The following SLCO1B3 variants were observed in gnomAD, a reference collection of about 807,000 sequenced individuals.
SLCO1B3 encodes liver-specific organic anion transporter 2.
In SLCO1B3, 72 loss-of-function variants were observed where a neutral mutation model predicts 71.8. The ratio of observed to expected loss-of-function variants is 1.00; its 90% CI spans 0.83 to 1.22. The LOEUF (loss-of-function observed/expected upper bound fraction) is 1.22. Among genes scored for constraint, SLCO1B3 ranks in the 50% most tolerant of loss-of-function variants. The probability of loss-of-function intolerance (pLI) is 0.00; values close to 1 mark genes in which losing one functional copy is unlikely to be tolerated. For missense variants in SLCO1B3, 911 were observed against 819.7 expected (o/e 1.11, Z -1.36); for synonymous variants, 298 against 278.4 (o/e 1.07, Z -0.70).
intron 8 of SLCO1B3, among the ~76,000 whole-genome samples, chr12:20,872,475 C>A (rs905948045): frequency 2.7e-4 from 41 of 151,968 alleles, no homozygotes; most frequent in African/African-American, 9.4e-4. Context: ...CTTTATTTTT[C>A]CACCACTTCT....
At chr12:20,841,884 GTTTTT>G (rs57925057) in intron 3 of SLCO1B3, among the ~76,000 whole-genome samples, 2 of 132,262 alleles carry the variant, frequency 1.5e-5, no homozygotes, top group Admixed American at 7.6e-5. Flanking sequence ...GTTGGATGTA[GTTTTT>G]TTTTTTTTTT....
At chr12:20,890,187 A>T (rs907239156) in intron 13 of SLCO1B3, among the ~76,000 whole-genome samples, 10 of 151,712 alleles carry the variant, frequency 6.6e-5, no homozygotes, top group African/African-American at 1.2e-4. Flanking sequence ...CCAAAGTGCT[A>T]GGATTACAGG....
chr12:20,906,589 G>A (rs1220255985), intron 15 of SLCO1B3, among the ~76,000 whole-genome samples: 1 of 152,076 alleles, frequency 6.6e-6, no homozygotes, highest in South Asian at 2.1e-4. Context: ...TACCTGTTGG[G>A]CAGGGAGATC....
chr12:20,825,459 G>A (rs1391331731), intron 3 of SLCO1B3, among the ~76,000 whole-genome samples: 2 of 152,036 alleles, frequency 1.3e-5, no homozygotes, highest in African/African-American at 4.8e-5. Context: ...AGATTTAGCA[G>A]GACTTGGTGT....
intron 3 of SLCO1B3, among the ~76,000 whole-genome samples, chr12:20,847,162 C>T (rs145271059): frequency 6.6e-6 from 1 of 151,986 alleles, no homozygotes; most frequent in African/African-American, 2.4e-5. Context: ...AGACCATAAG[C>T]TTTTACCTAA....
intron 6 of SLCO1B3, 31 bp from the exon 7 acceptor site, chr12:20,862,381 T>C (rs1225510708): frequency 6.4e-7 from 1 of 1,567,830 alleles, no homozygotes; most frequent in South Asian, 1.2e-5. Context: ...AAAATTAATG[T>C]TTAAAGTAAA....
chr12:20,821,444 T>G, intron 3 of SLCO1B3, among the ~76,000 whole-genome samples: 1 of 151,516 alleles, frequency 6.6e-6, no homozygotes, highest in African/African-American at 2.4e-5. Context: ...GAAGGAGGAA[T>G]GGAAGGTGGA....
Position 20,888,124 on chromosome 12 carries a change from T to C in SLCO1B3, c.1682+4522T>C, listed in dbSNP as rs1220196816. ...ACTAGTACCCTTTTATTTTGGCTTA[T>C]AGCCATGTAGTATAATTTGAAGTCA... On this transcript the variant is annotated intron_variant, in intron 13 of 15. Transcript: ENST00000381545. Among the ~76,000 whole-genome samples, 4 of 152,086 alleles carry C rather than the reference T, an allele frequency of 2.6e-5. No homozygotes were observed. The East Asian group carries it at 7.7e-4, about 29-fold the overall frequency.
At chr12:20,871,286 ATCTGATAGTT>A (rs778886230) in intron 8 of SLCO1B3, among the ~76,000 whole-genome samples, 4 of 152,162 alleles carry the variant, frequency 2.6e-5, no homozygotes, top group Non-Finnish European at 4.4e-5. Flanking sequence ...TTGTTAAATT[ATCTGATAGTT>A]TCTGAATTCC....
chr12:20,895,144 G>C (rs574221107), intron 13 of SLCO1B3, among the ~76,000 whole-genome samples: 2 of 152,286 alleles, frequency 1.3e-5, no homozygotes, highest in South Asian at 4.1e-4. Context: ...TAAAATTCAA[G>C]ATGAGATTTG....
chr12:20,898,951 G>C (rs1866074520), intron 14 of SLCO1B3, among the ~76,000 whole-genome samples: 1 of 152,166 alleles, frequency 6.6e-6, no homozygotes. Context: ...GACATTCACT[G>C]TGCCATTTCC....
At chr12:20,862,990 A>G (rs1555156583) in intron 8 of SLCO1B3, 136 bp downstream of exon 8, 1 of 464,058 alleles carries the variant, frequency 2.2e-6, no homozygotes, top group South Asian at 5.3e-5. Flanking sequence ...AAATAAATCC[A>G]TTAATAATCA....
intron 3 of SLCO1B3, among the ~76,000 whole-genome samples, chr12:20,824,945 TAACTC>T (rs934105188): frequency 6.6e-6 from 1 of 152,152 alleles, no homozygotes; most frequent in Non-Finnish European, 1.5e-5. Context: ...GTCAAAGTGA[TAACTC>T]AAAGTTTTTT....
At chr12:20,847,612 G>A (rs1304607) in intron 3 of SLCO1B3, among the ~76,000 whole-genome samples, 109,804 of 151,662 alleles carry the variant, frequency 0.72, 42,326 homozygotes, top group South Asian at 0.9. Context: ...TAAAACCAAA[G>A]TTCAGTGGCA....
At chr12:20,825,485 A>G (rs1864401586) in intron 3 of SLCO1B3, among the ~76,000 whole-genome samples, 1 of 152,056 alleles carries the variant, frequency 6.6e-6, no homozygotes, top group South Asian at 2.1e-4. Flanking sequence ...TTAGACCCAG[A>G]AGTAAAAGCC....
chr12:20,873,172 A>C (rs1275963042), intron 8 of SLCO1B3, among the ~76,000 whole-genome samples: 1 of 152,180 alleles, frequency 6.6e-6, no homozygotes, highest in Non-Finnish European at 1.5e-5. Flanking sequence ...CCCATGTGCT[A>C]GTTTAAATCA....
intron 10 of SLCO1B3, among the ~76,000 whole-genome samples, chr12:20,878,772 G>A (rs939466547): frequency 6.6e-6 from 1 of 151,958 alleles, no homozygotes; most frequent in Non-Finnish European, 1.5e-5. Context: ...TAACACTTAC[G>A]GGACTGTGAA....
chr12:20,900,486 C>G (rs963611592), intron 14 of SLCO1B3, among the ~76,000 whole-genome samples: 2 of 152,106 alleles, frequency 1.3e-5, no homozygotes, highest in Non-Finnish European at 2.9e-5. Context: ...AGGAGTTAAT[C>G]TCAGAATTTA....
At chr12:20,818,306 A>C (rs189074576) in intron 3 of SLCO1B3, among the ~76,000 whole-genome samples, 82 of 152,312 alleles carry the variant, frequency 5.4e-4, no homozygotes, top group African/African-American at 1.9e-3. Flanking sequence ...AGCCTAAAAA[A>C]ATGCTTGACT....
Sources: allele counts gnomAD v4.1 joint callset (sites outside exome capture counted in the v4.1 genomes callset), GRCh38; gene constraint gnomAD v4.1.1; transcripts MANE v1.5; gene names NCBI Gene and HGNC (gene_info 2026-07-23, HGNC 2026-07-21).